The following SIRPD variants were observed in gnomAD, a reference collection of about 807,000 sequenced individuals.
The protein encoded by SIRPD is signal regulatory protein delta.
In SIRPD, 21 loss-of-function variants were observed where a neutral mutation model predicts 18.0. The observed-to-expected ratio is 1.17, with a 90% CI of 0.83 to 1.68. The LOEUF (loss-of-function observed/expected upper bound fraction) is 1.68. SIRPD is among the 40% of genes most tolerant of loss of function. The pLI is 0.00. For synonymous variants in SIRPD, 106 were observed against 92.9 expected, an observed-to-expected ratio of 1.14 and a Z score of -0.81; for missense variants, 295 against 238.4, an observed-to-expected ratio of 1.24 and a Z score of -1.56.
Position 1,551,722 on chromosome 20 carries a change from T to A in SIRPD, c.390A>T (p.Gln130His), listed in dbSNP as rs540415530. Residue 130 changes from glutamine (Q) to histidine (H), a missense_variant, in exon 2 of 4, where the codon CAA becomes CAT. Gln to His is a conservative substitution (Grantham distance 24). Coordinates refer to ENST00000381623, the MANE Select transcript of SIRPD (RefSeq NM_178460.3). Reference protein sequence around the residue: ...FIKGRAIKEYQSGRGTQVFVT... With the variant: ...FIKGRAIKEYHSGRGTQVFVT... The stretch of plus-strand genomic sequence containing the variant: ...CAAACACCTGAGTGCCCCGACCTGA[T>A]TGGTACTCCTTGATAGCTCTTCCTT... 9 of 1,613,774 alleles carry A rather than the reference T, an allele frequency of 5.6e-6. No homozygotes were observed. Among genetic ancestry groups the A allele is most frequent in the Non-Finnish European group, 7.6e-6 (9 of 1,179,882 alleles).
Position 1,551,732 on chromosome 20 carries a change from T to C in SIRPD, c.380A>G (p.Lys127Arg). The change falls in exon 2 of 4, where the codon AAG becomes AGG. Residue 127 changes from lysine to arginine, a missense_variant. By Grantham distance (26) the Lys-to-Arg change is conservative (BLOSUM62 2). Transcript: ENST00000381623. ...CVKFIKGRAI[K>R]EYQSGRGTQV... The stretch of plus-strand genomic sequence containing the variant: ...AGTGCCCCGACCTGATTGGTACTCC[T>C]TGATAGCTCTTCCTTTTATGAACTT... The C allele has an allele frequency of 6.2e-7, 1 of 1,614,092 alleles. No individual in the cohort carries two copies. The highest frequency in any genetic ancestry group is 8.5e-7 in the Non-Finnish European group (1 of 1,179,944).
At position 1,551,673 on chromosome 20, in the gene SIRPD, T is replaced by G. The variant is rs1474214918; in HGVS notation, c.421+18A>C. 6.3e-7 allele frequency: 1 copy of G among 1,586,884 alleles called. No homozygotes were observed. Among genetic ancestry groups the G allele is most frequent in the African/African-American group, 1.3e-5 (1 of 74,386 alleles). ...ATATTATACACCAGGGGGTATGGGG[T>G]ATAGGAGACATACTCACCAGTAACA... On this transcript the variant is annotated intron_variant, in intron 2 of 3. Transcript: ENST00000381623.
intron 1 of SIRPD, 46 bp downstream of exon 1, chr20:1,557,535 G>A (rs1600076800): frequency 3.5e-6 from 5 of 1,424,934 alleles, no homozygotes; most frequent in African/African-American, 1.5e-5. Context: ...CACTAAACAG[G>A]CAGAGGGGAG....
At chr20:1,536,364 T>A (rs767674394) in intron 3 of SIRPD, among the ~76,000 whole-genome samples, 4 of 150,778 alleles carry the variant, frequency 2.7e-5, no homozygotes, top group Non-Finnish European at 5.9e-5. Context: ...TCAAACAGCC[T>A]ACAAATGATG....
intron 3 of SIRPD, among the ~76,000 whole-genome samples, chr20:1,536,746 G>A (rs1399853885): frequency 1.3e-5 from 2 of 152,104 alleles, no homozygotes; most frequent in East Asian, 1.9e-4. Flanking sequence ...CTTAATGACA[G>A]CATCCCTGTC....
At chr20:1,556,257 C>T (rs2091041116) in intron 1 of SIRPD, among the ~76,000 whole-genome samples, 1 of 152,050 alleles carries the variant, frequency 6.6e-6, no homozygotes, top group African/African-American at 2.4e-5. Context: ...TGTACCTCAC[C>T]CAATAAGTAC....
At position 1,552,004 on chromosome 20, in the gene SIRPD, C is replaced by T; in HGVS notation, c.108G>A (p.Glu36=). Residue 36 remains glutamate (E), a synonymous_variant, in exon 2 of 4, where the codon GAG becomes GAA. Transcript: ENST00000381623. ...CCCCAGTTGATACAGTCTGTGACAT[C>T]TCCGTTTGTTGCACATGGAACACAT... ...VTHVFHVQQT[E]MSQTVSTGES... 2 of 1,613,890 alleles carry T rather than the reference C, an allele frequency of 1.2e-6. No individual in the cohort carries two copies. The highest frequency in any genetic ancestry group is 1.7e-6 in the Non-Finnish European group (2 of 1,179,892).
At chr20:1,539,971 T>A (rs1600063756) in intron 2 of SIRPD, among the ~76,000 whole-genome samples, 1 of 152,228 alleles carries the variant, frequency 6.6e-6, no homozygotes, top group East Asian at 1.9e-4. Flanking sequence ...TCACTCAACC[T>A]AAACTATGTC....
intron 1 of SIRPD, chr20:1,553,838 A>C (rs2091029101): frequency 6.6e-6 from 1 of 152,522 alleles, no homozygotes; most frequent in Non-Finnish European, 1.5e-5. Flanking sequence ...TAGTTCGTGG[A>C]TAAAGGAGCA....
intron 2 of SIRPD, chr20:1,540,000 A>C (rs1341444770): frequency 1.4e-5 from 3 of 208,390 alleles, no homozygotes; most frequent in Non-Finnish European, 3.0e-5. Context: ...TGACTCACAG[A>C]CACTGGGAGA....
At chr20:1,545,811 C>A (rs1409711163) in intron 2 of SIRPD, among the ~76,000 whole-genome samples, 1 of 152,104 alleles carries the variant, frequency 6.6e-6, no homozygotes, top group Non-Finnish European at 1.5e-5. Flanking sequence ...GCATGCTCAT[C>A]CTTTTTGTTG....
intron 2 of SIRPD, among the ~76,000 whole-genome samples, chr20:1,548,985 T>C (rs1339425920): frequency 5.3e-5 from 8 of 152,198 alleles, no homozygotes; most frequent in Non-Finnish European, 1.2e-4. Context: ...TGCTTAATGA[T>C]GGCTTACATT....
chr20:1,547,597 T>C (rs1319533147), intron 2 of SIRPD, among the ~76,000 whole-genome samples: 1 of 152,198 alleles, frequency 6.6e-6, no homozygotes, highest in East Asian at 1.9e-4. Flanking sequence ...TCTCCTACTT[T>C]ATTTTTCAGG....
rs187341714 is a variant in SIRPD, at chr20:1,542,991, T to C, written c.422-5681A>G. On this transcript the variant is annotated intron_variant, in intron 2 of 3. Coordinates refer to ENST00000381623, the MANE Select transcript of SIRPD (RefSeq NM_178460.3). ...CCCAGGGATGAAGCTGACTTGATCATGGTGGATAAGATTTTTAATGTGCTG... is the reference window on the plus strand; with the variant it reads ...CCCAGGGATGAAGCTGACTTGATCACGGTGGATAAGATTTTTAATGTGCTG... Among the ~76,000 whole-genome samples the C allele has an allele frequency of 4.5e-3, 693 of 152,368 alleles. 4 individuals carry two copies. The highest frequency in any genetic ancestry group is 7.9e-3 in the Non-Finnish European group (535 of 68,032).
rs575595930 is a variant in SIRPD, at chr20:1,545,557, G to T, written c.421+6134C>A. Among the ~76,000 whole-genome samples the T allele has an allele frequency of 2.0e-5, 3 of 152,312 alleles. No homozygotes were observed. In the South Asian group the frequency reaches 6.2e-4, roughly 32 times the overall value. ...TTCTTAGCTTTCTTGCATTGGGTTA[G>T]AACATGCTCTTTTAGCATGGAGGAG... is the stretch of plus-strand genomic sequence containing the variant. On this transcript the variant is annotated intron_variant, in intron 2 of 3. Coordinates refer to ENST00000381623, the MANE Select transcript of SIRPD (RefSeq NM_178460.3).
intron 1 of SIRPD, among the ~76,000 whole-genome samples, chr20:1,554,795 A>T (rs2091032777): frequency 6.6e-6 from 1 of 152,188 alleles, no homozygotes; most frequent in African/African-American, 2.4e-5. Flanking sequence ...ACACTGAGGC[A>T]TGCATTCTCA....
At chr20:1,550,707 G>A (rs1233666900) in intron 2 of SIRPD, among the ~76,000 whole-genome samples, 2 of 152,116 alleles carry the variant, frequency 1.3e-5, no homozygotes, top group Non-Finnish European at 2.9e-5. Flanking sequence ...AGAACATACT[G>A]GACTGGGCCC....
At position 1,547,061 on chromosome 20, in the gene SIRPD, T is replaced by C. The variant is rs1357084978; in HGVS notation, c.421+4630A>G. Among the ~76,000 whole-genome samples, 3 of 152,244 alleles carry C rather than the reference T, an allele frequency of 2.0e-5. No homozygotes were observed. In the East Asian group the frequency reaches 5.8e-4, roughly 29 times the overall value. The stretch of plus-strand genomic sequence containing the variant: ...CTATTTTTTCTTTTGTTTCTCATGC[T>C]TTTGATACTATGCTTAAGAAGCCAA... On this transcript the variant is annotated intron_variant, in intron 2 of 3. Coordinates refer to ENST00000381623, the MANE Select transcript of SIRPD (RefSeq NM_178460.3).
At chr20:1,544,601 C>G (rs1198094686) in intron 2 of SIRPD, among the ~76,000 whole-genome samples, 1 of 152,078 alleles carries the variant, frequency 6.6e-6, no homozygotes, top group Non-Finnish European at 1.5e-5. Context: ...TTAATTGGGG[C>G]ATTTAGCCCA....
Sources: allele counts gnomAD v4.1 joint callset (sites outside exome capture counted in the v4.1 genomes callset), GRCh38; gene constraint gnomAD v4.1.1; transcripts MANE v1.5; gene names NCBI Gene and HGNC (gene_info 2026-07-23, HGNC 2026-07-21).